KCNC4: variants seen among roughly 807,000 people sequenced by gnomAD.
KCNC4 encodes voltage-gated potassium channel KCNC4.
Under a neutral mutation model 42.8 loss-of-function variants are expected in KCNC4, and 23 were observed. The observed-to-expected ratio is 0.54, with a 90% CI of 0.39 to 0.76. The LOEUF (loss-of-function observed/expected upper bound fraction) is 0.76, where lower values mean the gene tolerates loss of function less well. Ranked by LOEUF, KCNC4 falls within the 30% of genes least tolerant of loss-of-function variation. KCNC4 has a pLI of 0.00. For missense variants in KCNC4, 751 were observed against 898.2 expected, an observed-to-expected ratio of 0.84 and a Z score of 2.10; for synonymous variants, 422 against 393.5, an observed-to-expected ratio of 1.07 and a Z score of -0.86.
intron 1 of KCNC4, among the ~76,000 whole-genome samples, chr1:110,267,051 C>A (rs893304513): frequency 6.6e-6 from 1 of 152,222 alleles, no homozygotes; most frequent in Non-Finnish European, 1.5e-5. Flanking sequence ...GCAGCCCGCA[C>A]GCCTCTGTGG....
intron 1 of KCNC4, among the ~76,000 whole-genome samples, chr1:110,259,523 G>A (rs1659390042): frequency 6.6e-6 from 1 of 152,174 alleles, no homozygotes; most frequent in Admixed American, 6.5e-5. Context: ...TCACAGTGCT[G>A]GACCTTGAAA....
exon 4 of KCNC4, chr1:110,243,656 A>G (rs1347299198): frequency 1.3e-5 from 2 of 153,080 alleles, no homozygotes; most frequent in Non-Finnish European, 1.5e-5. Context: ...AGTGGCAGAG[A>G]GAGGAGCAGT....
At chr1:110,272,707 G>A (rs1659656605) in intron 1 of KCNC4, 1 of 151,970 alleles carries the variant, frequency 6.6e-6, no homozygotes, top group South Asian at 2.1e-4. Context: ...GAGAGGAAAA[G>A]AGAAAAAGAG....
At chr1:110,276,299 C>CAAAAA (rs3062031) in intron 1 of KCNC4, among the ~76,000 whole-genome samples, 3 of 98,884 alleles carry the variant, frequency 3.0e-5, no homozygotes, top group Admixed American at 1.0e-4. Context: ...TCAATTTATA[C>CAAAAA]AAAAAAAAAA....
At chr1:110,215,622 G>A (rs777176075) in intron 1 of KCNC4, among the ~76,000 whole-genome samples, 1 of 152,212 alleles carries the variant, frequency 6.6e-6, no homozygotes, top group Non-Finnish European at 1.5e-5. Flanking sequence ...AGTAGAGGAG[G>A]GGACCCACAG....
intron 1 of KCNC4, among the ~76,000 whole-genome samples, chr1:110,265,637 A>C (rs894474306): frequency 2.6e-5 from 4 of 152,144 alleles, no homozygotes; most frequent in African/African-American, 9.7e-5. Context: ...TTGGAGAGAA[A>C]GGCCCAATAG....
At chr1:110,226,402 T>C in intron 3 of KCNC4, 2 of 582,910 alleles carry the variant, frequency 3.4e-6, no homozygotes, top group Non-Finnish European at 6.2e-6. Context: ...CAGCTGCCCA[T>C]GGGAAAGAGC....
exon 4 of KCNC4, chr1:110,243,958 G>T (rs747835929): frequency 6.6e-6 from 1 of 152,202 alleles, no homozygotes; most frequent in Non-Finnish European, 1.5e-5. Context: ...ATTAGTCGGG[G>T]TTCTTTTTCC....
At chr1:110,236,216 C>A (rs1020620789), downstream of KCNC4, 1 of 152,234 alleles carries the variant, frequency 6.6e-6, no homozygotes, top group Admixed American at 6.5e-5. Context: ...CAGTACATTT[C>A]ATGCTTATAA....
exon 4 of KCNC4, chr1:110,240,140 C>A: frequency 6.6e-6 from 1 of 152,268 alleles, no homozygotes. Context: ...AAAGAGAACC[C>A]TGGCCCGGTG....
chr1:110,216,601 G>A (rs1657807310), intron 1 of KCNC4, among the ~76,000 whole-genome samples: 1 of 152,188 alleles, frequency 6.6e-6, no homozygotes, highest in Non-Finnish European at 1.5e-5. Flanking sequence ...AGCTATTTTG[G>A]AGACTCGGGG....
chr1:110,222,844 A>G (rs1214085930), intron 1 of KCNC4, 120 bp from the exon 2 acceptor site: 14 of 700,456 alleles, frequency 2.0e-5, no homozygotes, highest in Non-Finnish European at 3.4e-5. Context: ...CCATACGTTA[A>G]TCCCACCTCT....
At chr1:110,283,446 A>C (rs1659862776), downstream of KCNC4, among the ~76,000 whole-genome samples, 2 of 152,208 alleles carry the variant, frequency 1.3e-5, no homozygotes, top group African/African-American at 4.8e-5. Context: ...GTTCAGAACA[A>C]AGAGACATTA....
At chr1:110,271,608 T>C (rs553391541) in intron 1 of KCNC4, among the ~76,000 whole-genome samples, 1 of 152,322 alleles carries the variant, frequency 6.6e-6, no homozygotes, top group South Asian at 2.1e-4. Context: ...GGGCTTAAGC[T>C]TGTGAGTTCA....
At chr1:110,270,939 A>G (rs1187852040) in intron 1 of KCNC4, among the ~76,000 whole-genome samples, 2 of 152,238 alleles carry the variant, frequency 1.3e-5, no homozygotes, top group African/African-American at 2.4e-5. Flanking sequence ...GCTCTTCAGT[A>G]GATTTAGACC....
At chr1:110,281,968 G>C (rs1200835797) in intron 1 of KCNC4, among the ~76,000 whole-genome samples, 1 of 152,166 alleles carries the variant, frequency 6.6e-6, no homozygotes, top group Non-Finnish European at 1.5e-5. Context: ...GCTGGCAGAG[G>C]CTGCAGGGGA....
intron 3 of KCNC4, among the ~76,000 whole-genome samples, chr1:110,228,366 G>A (rs575904724): frequency 6.6e-6 from 1 of 152,226 alleles, no homozygotes; most frequent in East Asian, 1.9e-4. Context: ...GCTGGGTGTG[G>A]GGCCCTGGAG....
chr1:110,251,447 C>T (rs1461014643), downstream of KCNC4, among the ~76,000 whole-genome samples: 1 of 152,192 alleles, frequency 6.6e-6, no homozygotes, highest in Non-Finnish European at 1.5e-5. Flanking sequence ...TAAGACATGT[C>T]TTTGCTCCTC....
At chr1:110,269,183 A>G (rs1032300330) in intron 1 of KCNC4, among the ~76,000 whole-genome samples, 3 of 152,044 alleles carry the variant, frequency 2.0e-5, no homozygotes, top group African/African-American at 7.2e-5. Context: ...TTTTTCATTC[A>G]GGTTTATTAA....
Sources: gnomAD v4.1 joint callset for allele counts (sites outside exome capture counted in the v4.1 genomes callset) on GRCh38, gnomAD v4.1.1 for gene constraint, MANE v1.5 for transcripts, NCBI Gene and HGNC (gene_info 2026-07-23, HGNC 2026-07-21) for gene names.